Variants in CD55 observed in about 807,000 individuals in gnomAD.
The protein encoded by CD55 is complement decay-accelerating factor.
Under a neutral mutation model 45.8 loss-of-function variants are expected in CD55, and 41 were observed. The ratio of observed to expected loss-of-function variants is 0.90; its 90% CI spans 0.70 to 1.16. The LOEUF is 1.16. Ranked by LOEUF, CD55 falls within the 50% of genes most tolerant of loss-of-function variation. The probability of loss-of-function intolerance (pLI) is 0.00; values close to 1 mark genes in which losing one functional copy is unlikely to be tolerated. For synonymous variants in CD55, 181 were observed against 181.1 expected (o/e 1.00, Z 0.01); for missense variants, 416 against 469.8 (o/e 0.89, Z 1.06).
At position 207,359,578 on chromosome 1, in the gene CD55, G is replaced by A; in HGVS notation, c.1114G>A (p.Gly372Arg). Residue 372 changes from glycine to arginine, a missense_variant, in exon 10 of 10, where the codon GGG becomes AGG. Gly to Arg is a moderately radical substitution (Grantham distance 125, BLOSUM62 -2). Around this residue, in one of 3 missense-constraint regions of CD55, gnomAD observed 182 missense variants for 201.4 expected, o/e 0.90. Transcript: ENST00000367064. Reference sequence around the variant, plus strand: ...GTGTTTCACGTTGACAGGTTTGCTTGGGACGCTAGTAACCATGGGCTTGCT... The same window carrying A: ...GTGTTTCACGTTGACAGGTTTGCTTAGGACGCTAGTAACCATGGGCTTGCT... Reference protein sequence around the residue: ...HTCFTLTGLLGTLVTMGLLT With the variant: ...HTCFTLTGLLRTLVTMGLLT The A allele has an allele frequency of 6.3e-7, 1 of 1,577,934 alleles. No individual in the cohort carries two copies. The highest frequency in any genetic ancestry group is 1.1e-5 in the South Asian group (1 of 87,240).
rs537349831 is a variant in CD55, at chr1:207,339,641, T to G, written c.1081+224T>G. Among the ~76,000 whole-genome samples the G allele has an allele frequency of 7.2e-5, 11 of 152,316 alleles. No individual in the cohort carries two copies. In the South Asian group the frequency reaches 2.3e-3, roughly 32 times the overall value. Reference sequence around the variant, plus strand: ...GATTCAGCAATTTTCAACTCATGGATACCCACTTCACCCACACTCCCTGGA... The same window carrying G: ...GATTCAGCAATTTTCAACTCATGGAGACCCACTTCACCCACACTCCCTGGA... On this transcript the variant is annotated intron_variant, in intron 9 of 9. Transcript: ENST00000367064.
intron 9 of CD55, among the ~76,000 whole-genome samples, chr1:207,352,150 A>T (rs1572900922): frequency 6.6e-6 from 1 of 152,068 alleles, no homozygotes; most frequent in South Asian, 2.1e-4. Flanking sequence ...CTAATGTTAC[A>T]GAACTTTCTA....
intron 8 of CD55, 153 bp downstream of exon 8, chr1:207,337,562 T>A (rs1655241936): frequency 3.7e-6 from 2 of 547,236 alleles, no homozygotes; most frequent in Non-Finnish European, 6.5e-6. Flanking sequence ...GGAAGCGGAC[T>A]TGGATTGTAC....
At chr1:207,330,868 T>C (rs559875371) in intron 5 of CD55, among the ~76,000 whole-genome samples, 2 of 152,358 alleles carry the variant, frequency 1.3e-5, no homozygotes, top group South Asian at 2.1e-4. Flanking sequence ...CTGAATCTTA[T>C]TATTTCTATG....
At chr1:207,334,437 A>T (rs1442082163) in intron 6 of CD55, among the ~76,000 whole-genome samples, 1 of 152,192 alleles carries the variant, frequency 6.6e-6, no homozygotes, top group Admixed American at 6.5e-5. Flanking sequence ...ACATGAAAAT[A>T]CAAAAGGAAA....
chr1:207,333,461 A>G (rs934928192), intron 6 of CD55, among the ~76,000 whole-genome samples: 2 of 152,228 alleles, frequency 1.3e-5, no homozygotes, highest in Non-Finnish European at 2.9e-5. Context: ...GATTACCTCA[A>G]TGCAGTCTGC....
At chr1:207,330,435 C>T (rs537352726) in intron 5 of CD55, among the ~76,000 whole-genome samples, 5 of 151,456 alleles carry the variant, frequency 3.3e-5, no homozygotes, top group South Asian at 2.1e-4. Context: ...TACAGTATAA[C>T]TAAAAAAACT....
chr1:207,324,807 C>A, intron 3 of CD55, 57 bp downstream of exon 3: 3 of 1,074,330 alleles, frequency 2.8e-6, no homozygotes, highest in South Asian at 1.5e-5. Context: ...GAAATAGTAT[C>A]CCTTCCTTCA....
chr1:207,330,107 G>A (rs1654875592), intron 5 of CD55, among the ~76,000 whole-genome samples: 1 of 152,074 alleles, frequency 6.6e-6, no homozygotes, highest in Non-Finnish European at 1.5e-5. Flanking sequence ...ATAAAAAAAT[G>A]CCTGGCGTGT....
At position 207,344,457 on chromosome 1, in the gene CD55, G is replaced by T. The variant is rs28739001; in HGVS notation, c.1081+5040G>T. ...TGATTAATTCCATCAGCTTTCTTTT[G>T]TCTGGGAAAGACATTGTTTCTCCTT... On this transcript the variant is annotated intron_variant, in intron 9 of 9. Transcript: ENST00000367064. Among the ~76,000 whole-genome samples the T allele has an allele frequency of 4.9e-3, 747 of 152,118 alleles. 5 individuals are homozygous for T. The highest frequency in any genetic ancestry group is 0.017 in the African/African-American group (722 of 41,494).
intron 3 of CD55, 34 bp downstream of exon 3, chr1:207,324,784 C>T (rs771295123): frequency 2.5e-5 from 35 of 1,395,872 alleles, no homozygotes; most frequent in Non-Finnish European, 3.5e-5. Context: ...TTTCAACCAT[C>T]TGGTGTTTGG....
chr1:207,344,711 CTT>C (rs551440149), intron 9 of CD55, among the ~76,000 whole-genome samples: 3 of 141,536 alleles, frequency 2.1e-5, no homozygotes, highest in Non-Finnish European at 3.1e-5. Context: ...TGGAGAAAAC[CTT>C]TTTTTTTTTT....
chr1:207,340,866 T>G (rs891171642), intron 9 of CD55: 18 of 360,480 alleles, frequency 5.0e-5, no homozygotes, highest in Non-Finnish European at 8.9e-5. Context: ...TTCAGGAACC[T>G]CCATATTGTT....
chr1:207,335,067 A>C (rs1364098227), intron 6 of CD55, among the ~76,000 whole-genome samples: 1 of 152,172 alleles, frequency 6.6e-6, no homozygotes, highest in Non-Finnish European at 1.5e-5. Context: ...TCATAATGAT[A>C]AGGAGGCCAA....
intron 9 of CD55, among the ~76,000 whole-genome samples, chr1:207,345,011 G>C (rs951827807): frequency 6.6e-6 from 1 of 152,050 alleles, no homozygotes; most frequent in South Asian, 2.1e-4. Flanking sequence ...CCACCGCACC[G>C]GGCCAGAGAA....
At chr1:207,326,533 A>G (rs1254279635) in intron 4 of CD55, among the ~76,000 whole-genome samples, 1 of 152,242 alleles carries the variant, frequency 6.6e-6, no homozygotes, top group Non-Finnish European at 1.5e-5. Flanking sequence ...CCATGCAAAT[A>G]AAAAATGTAC....
At chr1:207,337,164 C>G in intron 7 of CD55, 165 bp from the exon 8 acceptor site, 1 of 616,782 alleles carries the variant, frequency 1.6e-6, no homozygotes, top group Non-Finnish European at 2.9e-6. Flanking sequence ...CCCATGATGA[C>G]AAATGCTTCT....
intron 5 of CD55, among the ~76,000 whole-genome samples, chr1:207,329,430 G>T (rs1654840727): frequency 6.6e-6 from 1 of 152,168 alleles, no homozygotes. Flanking sequence ...AAACACAGAT[G>T]TGACTTAGAC....
In CD55 at chr1:207,321,810, C is replaced by T. The variant is rs1654415508; in HGVS notation, c.45C>T (p.Leu15=). ...GCGTGCCCGCGGCGCTGCCCCTCCTCGGGGAGCTGCCCCGGCTGCTGCTGC... is the reference window on the plus strand; with the variant it reads ...GCGTGCCCGCGGCGCTGCCCCTCCTTGGGGAGCTGCCCCGGCTGCTGCTGC... ...RPSVPAALPL[L]GELPRLLLLV... Residue 15 remains leucine (L), a synonymous_variant, in exon 1 of 10, where the codon CTC becomes CTT. Transcript: ENST00000367064. The T allele has an allele frequency of 5.9e-6, 9 of 1,528,264 alleles. No individual in the cohort carries two copies. The highest frequency in any genetic ancestry group is 7.9e-6 in the Non-Finnish European group (9 of 1,143,402). The allele number at this position is 1,528,264 out of a possible 1,614,324, so 94.7% of individuals were successfully genotyped here. A position where few individuals can be genotyped will look rare whatever the true frequency, so the allele number is the denominator to read the frequency against.
Sources: allele counts gnomAD v4.1 joint callset (sites outside exome capture counted in the v4.1 genomes callset), GRCh38; gene constraint gnomAD v4.1.1; regional missense constraint gnomAD v4.1.1; transcripts MANE v1.5; gene names NCBI Gene and HGNC (gene_info 2026-07-23, HGNC 2026-07-21).